Variants in FSTL4 observed in about 807,000 individuals in gnomAD.
The protein encoded by FSTL4 is follistatin-related protein 4.
Under a neutral mutation model 78.2 loss-of-function variants are expected in FSTL4, and 28 were observed. That is an observed-to-expected ratio of 0.36 (90% CI 0.27 to 0.49). The LOEUF (loss-of-function observed/expected upper bound fraction) is 0.49, where lower values mean the gene tolerates loss of function less well. Ranked by LOEUF, FSTL4 falls within the 20% of genes least tolerant of loss-of-function variation. The pLI is 0.98. For missense variants in FSTL4, 922 were observed against 1,084.9 expected (o/e 0.85, Z 2.11); for synonymous variants, 422 against 440.5 (o/e 0.96, Z 0.53).
At chr5:133,503,975 G>A (rs551081066) in intron 3 of FSTL4, among the ~76,000 whole-genome samples, 6 of 152,152 alleles carry the variant, frequency 3.9e-5, no homozygotes, top group Non-Finnish European at 8.8e-5. Flanking sequence ...AATGGTGGGA[G>A]GAATGAGAAG....
chr5:133,824,513 A>G, the FSTL4 span, among the ~76,000 whole-genome samples: 1 of 152,224 alleles, frequency 6.6e-6, no homozygotes. Flanking sequence ...CTTGCCAGGA[A>G]AGGGAGATGA....
At chr5:133,274,463 T>G (rs996659047) in intron 6 of FSTL4, among the ~76,000 whole-genome samples, 7 of 131,996 alleles carry the variant, frequency 5.3e-5, no homozygotes, top group African/African-American at 2.0e-4. Flanking sequence ...TCCATTCAAG[T>G]GTCTTCAACT....
At chr5:133,754,486 GT>G in the FSTL4 span, among the ~76,000 whole-genome samples, 3 of 152,218 alleles carry the variant, frequency 2.0e-5, no homozygotes, top group African/African-American at 7.2e-5. Context: ...ATAATGGATA[GT>G]TTGATAGATG....
intron 4 of FSTL4, among the ~76,000 whole-genome samples, chr5:133,375,152 C>T (rs538577736): frequency 6.6e-5 from 10 of 151,490 alleles, no homozygotes; most frequent in Non-Finnish European, 1.5e-4. Context: ...GGATTCTCTG[C>T]ACTTTCCCTG....
At chr5:133,600,989 C>T (rs1255935359) in intron 2 of FSTL4, among the ~76,000 whole-genome samples, 2 of 152,146 alleles carry the variant, frequency 1.3e-5, no homozygotes, top group African/African-American at 2.4e-5. Flanking sequence ...TGTGAGTTAT[C>T]GATACATTAA....
chr5:133,651,038 T>C, the FSTL4 span, among the ~76,000 whole-genome samples: 1 of 152,238 alleles, frequency 6.6e-6, no homozygotes, highest in Non-Finnish European at 1.5e-5. Flanking sequence ...CAAATTCACA[T>C]GTTGCTGGCA....
chr5:133,501,877 A>G (rs1758505076), intron 3 of FSTL4, among the ~76,000 whole-genome samples: 1 of 152,208 alleles, frequency 6.6e-6, no homozygotes, highest in African/African-American at 2.4e-5. Context: ...CCCTAATCCA[A>G]CATGATTACT....
At chr5:133,511,917 C>T (rs553737942) in intron 3 of FSTL4, among the ~76,000 whole-genome samples, 6 of 152,238 alleles carry the variant, frequency 3.9e-5, no homozygotes, top group South Asian at 4.2e-4. Context: ...GATGGAGTGG[C>T]GGGTGAGCAA....
intron 3 of FSTL4, among the ~76,000 whole-genome samples, chr5:133,526,270 C>T (rs1409245367): frequency 2.6e-5 from 4 of 151,910 alleles, no homozygotes; most frequent in Admixed American, 2.6e-4. Context: ...ATTCATGAAA[C>T]CAAGGGGGTA....
intron 3 of FSTL4, among the ~76,000 whole-genome samples, chr5:133,540,988 T>A (rs422373): frequency 0.42 from 63,447 of 151,822 alleles, 13,722 homozygotes; most frequent in African/African-American, 0.52. Flanking sequence ...CAGCCCGCTC[T>A]CACAGCCCCT....
At chr5:133,332,657 A>G (rs1250155767) in intron 4 of FSTL4, among the ~76,000 whole-genome samples, 1 of 152,194 alleles carries the variant, frequency 6.6e-6, no homozygotes, top group Non-Finnish European at 1.5e-5. Flanking sequence ...TTATGCTTTG[A>G]AAATGTGGTT....
chr5:133,213,527 G>A (rs1561621639), intron 13 of FSTL4, among the ~76,000 whole-genome samples: 1 of 152,112 alleles, frequency 6.6e-6, no homozygotes, highest in Non-Finnish European at 1.5e-5. Flanking sequence ...GAGTTGAAGT[G>A]TTTTATGGTT....
At chr5:133,647,750 T>G in the FSTL4 span, among the ~76,000 whole-genome samples, 1 of 152,196 alleles carries the variant, frequency 6.6e-6, no homozygotes, top group Non-Finnish European at 1.5e-5. Flanking sequence ...TAATTTCTTA[T>G]TTTAAGGTCA....
the FSTL4 span, among the ~76,000 whole-genome samples, chr5:133,718,753 C>T: frequency 2.7e-3 from 417 of 152,286 alleles, 2 homozygotes; most frequent in African/African-American, 9.8e-3. Flanking sequence ...ATGTGACAGC[C>T]CTAACGGCCA....
intron 4 of FSTL4, among the ~76,000 whole-genome samples, chr5:133,348,434 T>C (rs1754746951): frequency 6.6e-6 from 1 of 152,110 alleles, no homozygotes; most frequent in Admixed American, 6.5e-5. Context: ...ATGAGAACAG[T>C]AGAGACAGCC....
chr5:133,692,945 G>A, the FSTL4 span, among the ~76,000 whole-genome samples: 6 of 152,212 alleles, frequency 3.9e-5, no homozygotes, highest in Admixed American at 2.0e-4. Flanking sequence ...TCACAGCTGC[G>A]ATGTTATGCT....
chr5:133,691,131 G>A, the FSTL4 span, among the ~76,000 whole-genome samples: 4 of 152,130 alleles, frequency 2.6e-5, no homozygotes, highest in African/African-American at 4.8e-5. Flanking sequence ...TTGGAAAGGC[G>A]TTTTGGGGAG....
the FSTL4 span, among the ~76,000 whole-genome samples, chr5:133,658,198 C>T: frequency 6.6e-6 from 1 of 152,230 alleles, no homozygotes; most frequent in African/African-American, 2.4e-5. Flanking sequence ...TTAGGATTTT[C>T]ACATCTATGT....
the FSTL4 span, among the ~76,000 whole-genome samples, chr5:133,745,436 G>C: frequency 1.6e-3 from 239 of 152,336 alleles, 1 homozygote; most frequent in African/African-American, 5.5e-3. Flanking sequence ...GCTGCTGGTG[G>C]GGGGTAGAGG....
Sources: gnomAD v4.1 joint callset for allele counts (sites outside exome capture counted in the v4.1 genomes callset) on GRCh38, gnomAD v4.1.1 for gene constraint, MANE v1.5 for transcripts, NCBI Gene and HGNC (gene_info 2026-07-23, HGNC 2026-07-21) for gene names.